The following ENPP6 variants were observed in gnomAD, a reference collection of about 807,000 sequenced individuals.
The protein encoded by ENPP6 is ectonucleotide pyrophosphatase/phosphodiesterase 6, also known as glycerophosphocholine cholinephosphodiesterase ENPP6.
In ENPP6, 32 loss-of-function variants were observed where a neutral mutation model predicts 42.0. The observed-to-expected ratio is 0.76, with a 90% CI of 0.58 to 1.02. The LOEUF is 1.02. Among genes scored for constraint, ENPP6 ranks in the 50% least tolerant of loss-of-function variants. The probability of loss-of-function intolerance (pLI) is 0.00; values close to 1 mark genes in which losing one functional copy is unlikely to be tolerated. For missense variants in ENPP6, 552 were observed against 566.8 expected, an observed-to-expected ratio of 0.97 and a Z score of 0.27; for synonymous variants, 213 against 216.0, an observed-to-expected ratio of 0.99 and a Z score of 0.12.
chr4:184,124,128 GA>G, intron 3 of ENPP6, 32 bp downstream of exon 3: 1 of 1,538,864 alleles, frequency 6.5e-7, no homozygotes, highest in Non-Finnish European at 9.0e-7. Flanking sequence ...AAACAAGGAA[GA>G]AAATGGTGTG....
At chr4:184,128,793 G>A (rs564038374) in intron 2 of ENPP6, among the ~76,000 whole-genome samples, 28 of 152,016 alleles carry the variant, frequency 1.8e-4, no homozygotes, top group Admixed American at 4.6e-4. Context: ...CATTATTTTC[G>A]AATATAACTG....
At chr4:184,122,132 C>G (rs1195566623) in intron 3 of ENPP6, among the ~76,000 whole-genome samples, 1 of 152,166 alleles carries the variant, frequency 6.6e-6, no homozygotes, top group East Asian at 1.9e-4. Flanking sequence ...ATATGAAGAC[C>G]CCATGAGACA....
chr4:184,131,942 A>G (rs1318783216), intron 2 of ENPP6, among the ~76,000 whole-genome samples: 2 of 141,932 alleles, frequency 1.4e-5, no homozygotes, highest in African/African-American at 6.2e-5. Context: ...GGTGGTTGTA[A>G]TTCAGTCCTA....
intron 1 of ENPP6, among the ~76,000 whole-genome samples, chr4:184,167,362 C>A (rs894886720): frequency 6.6e-6 from 1 of 152,156 alleles, no homozygotes; most frequent in African/African-American, 2.4e-5. Flanking sequence ...TGATCCGCCC[C>A]CCTTGGCCTC....
In ENPP6 at chr4:184,136,023, A is replaced by G. The variant is rs549813338; in HGVS notation, c.422-11751T>C. On this transcript the variant is annotated intron_variant, in intron 2 of 7. Transcript: ENST00000296741. ...TAACTACATTTCATATCCATCACAC[A>G]TTTGATAGTTTTTCCTCTCCTTCTT... is the stretch of plus-strand genomic sequence containing the variant. Among the ~76,000 whole-genome samples the G allele has an allele frequency of 1.6e-3, 240 of 152,202 alleles. 2 individuals carry two copies. The highest frequency in any genetic ancestry group is 5.3e-3 in the African/African-American group (222 of 41,528).
rs530144733 is a variant in ENPP6 at position 184,092,355 on chromosome 4, G to C, written c.1118-973C>G. Among the ~76,000 whole-genome samples, 4 of 152,322 alleles carry C rather than the reference G, an allele frequency of 2.6e-5. No homozygotes were observed. The East Asian group carries it at 7.7e-4, about 29-fold the overall frequency. On this transcript the variant is annotated intron_variant, in intron 7 of 7. Coordinates refer to ENST00000296741, the MANE Select transcript of ENPP6 (RefSeq NM_153343.4). ...AATACATTAGCCATGTGGAAAATGA[G>C]CAAACTGGTATCTGAATCAGGGATC...
intron 1 of ENPP6, among the ~76,000 whole-genome samples, chr4:184,216,020 T>G (rs1733189246): frequency 6.6e-6 from 1 of 152,260 alleles, no homozygotes; most frequent in African/African-American, 2.4e-5. Context: ...ACTTGAGTCC[T>G]TTCTAAGATG....
chr4:184,118,934 C>G (rs1353053303), intron 3 of ENPP6, among the ~76,000 whole-genome samples: 1 of 152,218 alleles, frequency 6.6e-6, no homozygotes, highest in Non-Finnish European at 1.5e-5. Context: ...TCTCCCATCA[C>G]CTTATGATTC....
intron 1 of ENPP6, among the ~76,000 whole-genome samples, chr4:184,166,895 G>A (rs1737358370): frequency 6.6e-6 from 1 of 152,206 alleles, no homozygotes; most frequent in Non-Finnish European, 1.5e-5. Context: ...CCTCACACTA[G>A]TAGGTGGCTA....
At chr4:184,135,966 T>A (rs1261092665) in intron 2 of ENPP6, among the ~76,000 whole-genome samples, 1 of 152,154 alleles carries the variant, frequency 6.6e-6, no homozygotes, top group African/African-American at 2.4e-5. Flanking sequence ...TTTAATGTAT[T>A]TTCTGATATT....
chr4:184,091,685 T>A (rs1735804814), intron 7 of ENPP6, among the ~76,000 whole-genome samples: 1 of 151,884 alleles, frequency 6.6e-6, no homozygotes, highest in African/African-American at 2.4e-5. Context: ...GGAGGGAGGA[T>A]TGCCTGAGCC....
chr4:184,094,766 T>A (rs917000056), intron 7 of ENPP6, among the ~76,000 whole-genome samples: 3 of 152,274 alleles, frequency 2.0e-5, no homozygotes, highest in Non-Finnish European at 2.9e-5. Flanking sequence ...GGCAGCTCAC[T>A]GACTCCCACT....
At chr4:184,158,161 T>G (rs893861737) in intron 1 of ENPP6, among the ~76,000 whole-genome samples, 1 of 152,224 alleles carries the variant, frequency 6.6e-6, no homozygotes, top group Non-Finnish European at 1.5e-5. Flanking sequence ...GACAATAATA[T>G]GGCACAGTGG....
chr4:184,190,264 C>T (rs78327517), intron 1 of ENPP6, among the ~76,000 whole-genome samples: 2,849 of 152,240 alleles, frequency 0.019, 97 homozygotes, highest in African/African-American at 0.066. Context: ...AAAGGTAAAC[C>T]ATAGAGTTTA....
At chr4:184,162,180 C>A (rs867259714) in intron 1 of ENPP6, among the ~76,000 whole-genome samples, 1 of 152,166 alleles carries the variant, frequency 6.6e-6, no homozygotes, top group African/African-American at 2.4e-5. Context: ...TCCACAGCAA[C>A]CCCCTCCAAA....
chr4:184,115,954 G>T (rs1483346052), intron 5 of ENPP6, among the ~76,000 whole-genome samples: 1 of 152,090 alleles, frequency 6.6e-6, no homozygotes, highest in Non-Finnish European at 1.5e-5. Context: ...GGTGGTTCAC[G>T]CCTGTAATCC....
intron 2 of ENPP6, among the ~76,000 whole-genome samples, chr4:184,128,827 G>A (rs533016624): frequency 9.9e-5 from 15 of 152,250 alleles, no homozygotes; most frequent in Non-Finnish European, 1.8e-4. Context: ...TCATATTCTG[G>A]TCAAAAAGAA....
chr4:184,205,629 C>T (rs1732983685), intron 1 of ENPP6, among the ~76,000 whole-genome samples: 3 of 152,190 alleles, frequency 2.0e-5, no homozygotes, highest in Admixed American at 2.0e-4. Context: ...ACTGCTTTCC[C>T]AGGGCTGCTC....
chr4:184,206,687 G>GTA (rs1342555270), intron 1 of ENPP6, among the ~76,000 whole-genome samples: 4 of 152,162 alleles, frequency 2.6e-5, no homozygotes, highest in African/African-American at 9.7e-5. Context: ...AGGTGGGGTG[G>GTA]TAGGAAGTAT....
Sources: gnomAD v4.1 joint callset for allele counts (sites outside exome capture counted in the v4.1 genomes callset) on GRCh38, gnomAD v4.1.1 for gene constraint, MANE v1.5 for transcripts, NCBI Gene and HGNC (gene_info 2026-07-23, HGNC 2026-07-21) for gene names.